ADAM10: variants seen among roughly 807,000 people sequenced by gnomAD.
ADAM10 encodes the protein ADAM metallopeptidase domain 10.
ADAM10 carries 17 observed loss-of-function variants against 90.1 expected under a neutral mutation model. The observed-to-expected ratio is 0.19, with a 90% CI of 0.13 to 0.28. ADAM10 has a LOEUF of 0.28. Among genes scored for constraint, ADAM10 ranks in the 10% least tolerant of loss-of-function variants. ADAM10 has a pLI of 1.00. For synonymous variants in ADAM10, 310 were observed against 298.6 expected (o/e 1.04, Z -0.40); for missense variants, 610 against 914.3 (o/e 0.67, Z 4.29).
At chr15:58,694,311 T>A (rs554955840) in intron 2 of ADAM10, among the ~76,000 whole-genome samples, 1 of 152,006 alleles carries the variant, frequency 6.6e-6, no homozygotes, top group East Asian at 1.9e-4. Context: ...ATTAGCCAGG[T>A]GTGGTGGCAG....
At chr15:58,657,156 G>A (rs1392550383) in intron 5 of ADAM10, among the ~76,000 whole-genome samples, 1 of 151,976 alleles carries the variant, frequency 6.6e-6, no homozygotes, top group East Asian at 1.9e-4. Flanking sequence ...ATTATTAAAT[G>A]CCTTGAGTTA....
At chr15:58,726,931 C>CGAAGGG (rs1403947797) in intron 1 of ADAM10, among the ~76,000 whole-genome samples, 4 of 149,240 alleles carry the variant, frequency 2.7e-5, no homozygotes, top group Non-Finnish European at 5.9e-5. Context: ...AAGGAGAAGA[C>CGAAGGG]GAAGGGGAAG....
At chr15:58,642,446 C>T (rs1386420201) in intron 7 of ADAM10, among the ~76,000 whole-genome samples, 2 of 149,790 alleles carry the variant, frequency 1.3e-5, no homozygotes, top group African/African-American at 4.9e-5. Flanking sequence ...GCCTGGGCGA[C>T]AGAGTGAGAC....
intron 1 of ADAM10, chr15:58,748,590 T>C (rs1333204125): frequency 4.4e-6 from 1 of 227,160 alleles, no homozygotes; most frequent in Admixed American, 5.7e-5. Context: ...GGGCACTGTT[T>C]TGACAATCCA....
At chr15:58,741,832 T>C (rs1426158693) in intron 1 of ADAM10, among the ~76,000 whole-genome samples, 9 of 152,212 alleles carry the variant, frequency 5.9e-5, no homozygotes, top group Non-Finnish European at 1.2e-4. Context: ...CAACAGTCCA[T>C]AATATTCTAT....
chr15:58,692,292 G>A (rs759908291), intron 2 of ADAM10: 3 of 608,456 alleles, frequency 4.9e-6, no homozygotes, highest in Non-Finnish European at 9.7e-6. Context: ...TGAGGCTCTT[G>A]TAGAATTCTC....
chr15:58,673,345 C>T (rs1231578623), intron 4 of ADAM10, among the ~76,000 whole-genome samples: 4 of 123,654 alleles, frequency 3.2e-5, no homozygotes, highest in African/African-American at 1.3e-4. Context: ...GCAGCTTATA[C>T]AAAATAAGTA....
At chr15:58,647,248 A>AGTTTTTTTTTTTT (rs1896571373) in intron 5 of ADAM10, among the ~76,000 whole-genome samples, 1 of 59,602 alleles carries the variant, frequency 1.7e-5, no homozygotes, top group Non-Finnish European at 3.6e-5. Flanking sequence ...GACACTAAGT[A>AGTTTTTTTTTTTT]TTTTTTTTTT....
chr15:58,603,466 G>C (rs116325475), intron 14 of ADAM10, among the ~76,000 whole-genome samples: 2,836 of 152,232 alleles, frequency 0.019, 85 homozygotes, highest in African/African-American at 0.065. Flanking sequence ...GAGTACAAAG[G>C]CTTAAGAGTT....
At chr15:58,614,548 AC>A (rs1895547287) in intron 11 of ADAM10, among the ~76,000 whole-genome samples, 1 of 152,184 alleles carries the variant, frequency 6.6e-6, no homozygotes, top group East Asian at 1.9e-4. Flanking sequence ...GAAAGAAAAA[AC>A]AAATTGGCAG....
intron 8 of ADAM10, among the ~76,000 whole-genome samples, chr15:58,635,869 A>C (rs184852253): frequency 6.6e-6 from 1 of 152,300 alleles, no homozygotes; most frequent in African/African-American, 2.4e-5. Flanking sequence ...GGTCTGGCTA[A>C]TTTAAGAGAA....
At chr15:58,661,709 C>T (rs1240623927) in intron 5 of ADAM10, among the ~76,000 whole-genome samples, 1 of 152,026 alleles carries the variant, frequency 6.6e-6, no homozygotes, top group Non-Finnish European at 1.5e-5. Context: ...TCTAAAAATT[C>T]GGAGGCATTA....
intron 11 of ADAM10, among the ~76,000 whole-genome samples, chr15:58,619,545 T>C (rs1466412899): frequency 1.3e-5 from 2 of 152,202 alleles, no homozygotes; most frequent in African/African-American, 4.8e-5. Context: ...TCATTAGATA[T>C]TGTATGCATG....
At chr15:58,745,042 G>T (rs1899745275) in intron 1 of ADAM10, among the ~76,000 whole-genome samples, 1 of 152,162 alleles carries the variant, frequency 6.6e-6, no homozygotes, top group Non-Finnish European at 1.5e-5. Flanking sequence ...AATTAGCCAG[G>T]CGTGGTGGTG....
At chr15:58,678,872 T>G (rs1897354640) in intron 4 of ADAM10, among the ~76,000 whole-genome samples, 1 of 152,200 alleles carries the variant, frequency 6.6e-6, no homozygotes, top group South Asian at 2.1e-4. Flanking sequence ...CCGTCAGATT[T>G]GGTTGACTCA....
chr15:58,686,762 C>A (rs762084883), intron 2 of ADAM10: 11 of 570,376 alleles, frequency 1.9e-5, no homozygotes, highest in Non-Finnish European at 2.5e-5. Context: ...GCCAAAATCA[C>A]AGAAATTCAT....
chr15:58,682,141 C>T, intron 3 of ADAM10, 55 bp downstream of exon 3: 8 of 1,598,488 alleles, frequency 5.0e-6, no homozygotes, highest in Non-Finnish European at 6.8e-6. Flanking sequence ...AAATGAGTAT[C>T]TTTGTGTAGA....
intron 11 of ADAM10, among the ~76,000 whole-genome samples, chr15:58,617,057 C>A (rs1031744887): frequency 8.6e-5 from 13 of 151,658 alleles, no homozygotes; most frequent in Admixed American, 4.6e-4. Flanking sequence ...TGCAGTGAGC[C>A]GAGATTGCAC....
At chr15:58,649,116 G>A (rs1896624135) in intron 5 of ADAM10, among the ~76,000 whole-genome samples, 2 of 151,632 alleles carry the variant, frequency 1.3e-5, no homozygotes, top group Non-Finnish European at 2.9e-5. Context: ...TCTTCTATTT[G>A]TCCTGCCTGT....
Sources: allele counts gnomAD v4.1 joint callset (sites outside exome capture counted in the v4.1 genomes callset), GRCh38; gene constraint gnomAD v4.1.1; transcripts MANE v1.5; gene names NCBI Gene and HGNC (gene_info 2026-07-23, HGNC 2026-07-21).